Variants in REPS2 observed in about 807,000 individuals in gnomAD.
REPS2 encodes the protein RALBP1 associated Eps domain containing 2, also known as ralBP1-associated Eps domain-containing protein 2.
REPS2 carries 23 observed loss-of-function variants against 53.6 expected under a neutral mutation model. The ratio of observed to expected loss-of-function variants is 0.43; its 90% CI spans 0.31 to 0.61. The LOEUF (loss-of-function observed/expected upper bound fraction) is 0.61, where lower values mean the gene tolerates loss of function less well. REPS2 is among the 20% of genes least tolerant of loss of function. REPS2 has a pLI of 0.11. For missense variants in REPS2, 446 were observed against 534.9 expected (o/e 0.83, Z 1.64); for synonymous variants, 238 against 218.6 (o/e 1.09, Z -0.78).
chrX:17,087,102 A>G (rs1057238090), intron 13 of REPS2, among the ~76,000 whole-genome samples: 1 of 112,338 alleles, frequency 8.9e-6, no homozygotes, highest in Non-Finnish European at 1.9e-5. Context: ...GTCAAATCCT[A>G]TTCTTTTTTG....
At chrX:16,965,112 G>A (rs1249541377) in intron 1 of REPS2, among the ~76,000 whole-genome samples, 5 of 87,470 alleles carry the variant, frequency 5.7e-5, no homozygotes, top group South Asian at 5.9e-4. Flanking sequence ...CCTCCCTCCC[G>A]GACGGGGCGG....
At chrX:16,965,374 C>A (rs1231237171) in intron 1 of REPS2, among the ~76,000 whole-genome samples, 9 of 112,200 alleles carry the variant, frequency 8.0e-5, no homozygotes, top group Non-Finnish European at 1.3e-4. Flanking sequence ...CTGACCCCCC[C>A]ACCTCCCTCC....
rs185156241 is a variant in REPS2 at position 17,101,284 on chromosome X, G to A, written c.1517-2434G>A. On this transcript the variant is annotated intron_variant, in intron 13 of 17. Transcript: ENST00000357277. ...TCACTGTGTTAGCCAGGATGGTCTC[G>A]ATCTCCTGACCTCATGATCTGCCCG... 8.3e-3 allele frequency among the ~76,000 whole-genome samples: 901 copies of A among 109,151 alleles called. 13 individuals carry two copies. The highest frequency in any genetic ancestry group is 0.029 in the African/African-American group (865 of 29,974). The allele number at this position is 109,151 out of a possible 115,157, so 94.8% of individuals were successfully genotyped here.
intron 2 of REPS2, among the ~76,000 whole-genome samples, chrX:17,015,848 T>C (rs1254289702): frequency 8.9e-6 from 1 of 111,975 alleles, no homozygotes; most frequent in African/African-American, 3.3e-5. Flanking sequence ...TCTTTGCTAT[T>C]GTGAATAGTG....
chrX:17,077,175 A>G lies in REPS2; in HGVS notation c.1380-96A>G, dbSNP rs1258428256. The G allele has an allele frequency of 1.1e-5, 10 of 927,374 alleles. No homozygotes were observed. The Admixed American group carries it at 3.0e-4, about 28-fold the overall frequency. The allele number at this position is 927,374 out of a possible 1,213,427, so 76.4% of individuals were successfully genotyped here. Reference sequence around the variant, plus strand: ...CTTTGGTAGCTCATCGGTTCTTTGTAGTCACTTTGACTTCGTGGGTATTTT... The same window carrying G: ...CTTTGGTAGCTCATCGGTTCTTTGTGGTCACTTTGACTTCGTGGGTATTTT... On this transcript the variant is annotated intron_variant, in intron 12 of 17. Transcript: ENST00000357277.
chrX:17,099,158 C>T (rs2062748679), intron 13 of REPS2, among the ~76,000 whole-genome samples: 2 of 111,597 alleles, frequency 1.8e-5, no homozygotes, highest in South Asian at 7.6e-4. Flanking sequence ...CTTTTAAAGT[C>T]TCTCACAGTC....
intron 13 of REPS2, chrX:17,100,263 G>T (rs900718436): frequency 5.3e-6 from 3 of 567,630 alleles, no homozygotes; most frequent in Non-Finnish European, 6.3e-6. Context: ...ACATATTCCT[G>T]TTCCTCCTCT....
At chrX:16,974,650 A>G (rs770121914) in intron 1 of REPS2, among the ~76,000 whole-genome samples, 1 of 110,887 alleles carries the variant, frequency 9.0e-6, no homozygotes, top group South Asian at 3.9e-4. Context: ...CCATTTCAAA[A>G]AAAAAAGGAA....
chrX:17,054,536 G>A (rs1438999132), intron 7 of REPS2, among the ~76,000 whole-genome samples: 2 of 112,113 alleles, frequency 1.8e-5, no homozygotes, highest in East Asian at 5.6e-4. Context: ...ATAGTTTCTT[G>A]TCCTATGTCC....
chrX:17,057,251 C>T (rs2062083688), intron 8 of REPS2, among the ~76,000 whole-genome samples: 1 of 112,164 alleles, frequency 8.9e-6, no homozygotes, highest in African/African-American at 3.2e-5. Context: ...TAGCCCCTTC[C>T]TCATGATGAC....
In REPS2 at chrX:17,149,374, C is replaced by T. The variant is rs768848679; in HGVS notation, c.*1893C>T. 120 of 124,976 alleles carry T rather than the reference C, an allele frequency of 9.6e-4. No individual in the cohort carries two copies. The highest frequency in any genetic ancestry group is 3.3e-3 in the African/African-American group (104 of 31,236). The allele number at this position is 124,976 out of a possible 1,213,427, so 10.3% of individuals were successfully genotyped here. ...AGGCTGGAGCGCAGTGGCGCAATCT[C>T]GGCTCACTGCAACCTCCACCTCCTG... On this transcript the variant is annotated 3_prime_UTR_variant, in exon 18 of 18. Coordinates refer to ENST00000357277, the MANE Select transcript of REPS2 (RefSeq NM_004726.3).
chrX:17,056,539 A>G (rs2062073141), intron 8 of REPS2, among the ~76,000 whole-genome samples: 1 of 110,892 alleles, frequency 9.0e-6, no homozygotes, highest in South Asian at 3.9e-4. Flanking sequence ...AAATACAAAG[A>G]AAAAAATTAG....
At chrX:16,960,524 A>G (rs1391489685) in intron 1 of REPS2, among the ~76,000 whole-genome samples, 1 of 112,635 alleles carries the variant, frequency 8.9e-6, no homozygotes, top group African/African-American at 3.2e-5. Context: ...TAGAGTCCAC[A>G]GCTAATATCA....
At chrX:16,947,345 G>A (rs931962351) in intron 1 of REPS2, among the ~76,000 whole-genome samples, 4 of 112,210 alleles carry the variant, frequency 3.6e-5, no homozygotes, top group Admixed American at 2.8e-4. Context: ...CCAGTGCTGG[G>A]TGCGCTCTCC....
At chrX:17,065,207 C>T (rs2062209547) in intron 9 of REPS2, among the ~76,000 whole-genome samples, 1 of 112,061 alleles carries the variant, frequency 8.9e-6, no homozygotes, top group Non-Finnish European at 1.9e-5. Flanking sequence ...AACTGCTTTC[C>T]AAAGCAACTA....
the REPS2 span, among the ~76,000 whole-genome samples, chrX:17,195,250 T>C: frequency 8.9e-6 from 1 of 112,547 alleles, no homozygotes; most frequent in African/African-American, 3.2e-5. Flanking sequence ...TGTTGTTGAC[T>C]TAATTCATTT....
intron 1 of REPS2, among the ~76,000 whole-genome samples, chrX:17,005,685 T>A (rs760977735): frequency 8.9e-6 from 1 of 112,175 alleles, no homozygotes; most frequent in African/African-American, 3.2e-5. Flanking sequence ...ATTATTACAA[T>A]GTCTTGAAAA....
the REPS2 span, among the ~76,000 whole-genome samples, chrX:17,171,994 C>G: frequency 5.4e-5 from 6 of 111,568 alleles, no homozygotes; most frequent in East Asian, 1.7e-3. Context: ...ACGTGTCAGG[C>G]TCACTTAAAG....
chrX:17,012,358 G>A (rs764235906), intron 2 of REPS2, among the ~76,000 whole-genome samples: 158 of 101,623 alleles, frequency 1.6e-3, no homozygotes, highest in African/African-American at 5.8e-3. Context: ...TAGCCTGGGC[G>A]ACAGAGCGAG....
Sources: gnomAD v4.1 joint callset for allele counts (sites outside exome capture counted in the v4.1 genomes callset) on GRCh38, gnomAD v4.1.1 for gene constraint, MANE v1.5 for transcripts, NCBI Gene and HGNC (gene_info 2026-07-23, HGNC 2026-07-21) for gene names.